KTN1: variants seen among roughly 807,000 people sequenced by gnomAD.
The protein encoded by KTN1 is kinectin 1.
Under a neutral mutation model 222.5 loss-of-function variants are expected in KTN1, and 130 were observed. The observed-to-expected ratio is 0.58, with a 90% CI of 0.51 to 0.68. The LOEUF is 0.68. KTN1 is among the 30% of genes least tolerant of loss of function. KTN1 has a pLI of 0.00. For synonymous variants in KTN1, 512 were observed against 496.3 expected (o/e 1.03, Z -0.42); for missense variants, 1,508 against 1,500.4 (o/e 1.01, Z -0.08).
chr14:55,633,406 T>C, intron 8 of KTN1, 65 bp downstream of exon 8: 2 of 926,738 alleles, frequency 2.2e-6, no homozygotes, highest in South Asian at 2.1e-5. Context: ...CATCAAAATA[T>C]TAATAGCGTT....
At chr14:55,597,483 G>A (rs987207104) in intron 1 of KTN1, among the ~76,000 whole-genome samples, 6 of 152,174 alleles carry the variant, frequency 3.9e-5, no homozygotes, top group Non-Finnish European at 5.9e-5. Context: ...TTTGCTGTTT[G>A]CGTAGATGTC....
chr14:55,639,516 A>G (rs2041542460), intron 13 of KTN1, among the ~76,000 whole-genome samples: 1 of 151,804 alleles, frequency 6.6e-6, no homozygotes, highest in Non-Finnish European at 1.5e-5. Flanking sequence ...TTTAGAAAGT[A>G]GTGGAAGTAA....
At chr14:55,608,492 CATTGA>C (rs1226368079) in intron 1 of KTN1, among the ~76,000 whole-genome samples, 1 of 152,076 alleles carries the variant, frequency 6.6e-6, no homozygotes. Context: ...TTTTTAGCAG[CATTGA>C]ATTGAATTTA....
chr14:55,656,418 C>G (rs2043480565), intron 29 of KTN1: 1 of 277,884 alleles, frequency 3.6e-6, no homozygotes, highest in Non-Finnish European at 6.6e-6. Context: ...AAGCACATTT[C>G]TGCCTTAACT....
chr14:55,636,083 G>T (rs1230488635), intron 9 of KTN1, among the ~76,000 whole-genome samples: 1 of 152,110 alleles, frequency 6.6e-6, no homozygotes, highest in African/African-American at 2.4e-5. Context: ...TAGCAATAAA[G>T]ACACCATCCT....
At chr14:55,660,475 A>G (rs1264726485) in intron 31 of KTN1, among the ~76,000 whole-genome samples, 2 of 149,540 alleles carry the variant, frequency 1.3e-5, no homozygotes, top group Non-Finnish European at 3.0e-5. Flanking sequence ...GTCATTTCAC[A>G]TAAGTTAGTG....
At chr14:55,619,401 C>A in intron 5 of KTN1, 89 bp downstream of exon 5, 2 of 1,197,772 alleles carry the variant, frequency 1.7e-6, no homozygotes, top group Non-Finnish European at 2.4e-6. Context: ...TTAATATCTA[C>A]TCCCATCCTT....
At chr14:55,640,218 G>A (rs1041394025) in intron 14 of KTN1, among the ~76,000 whole-genome samples, 156 bp from the exon 15 acceptor site, 2 of 151,818 alleles carry the variant, frequency 1.3e-5, no homozygotes, top group African/African-American at 4.8e-5. Flanking sequence ...AATTTGATAG[G>A]AATATGCTAA....
chr14:55,684,511 CT>C lies in KTN1; in HGVS notation c.*414del, dbSNP rs573808572. On this transcript the variant is annotated 3_prime_UTR_variant, in exon 44 of 44. Transcript: ENST00000395314. ...CCTCTGACTTCAACTCAAGAAAACA[CT>C]TTTTTGTTGCTAATGTAATCGGTTT... 1.3e-3 allele frequency: 268 copies of C among 212,124 alleles called. No individual in the cohort carries two copies. Among genetic ancestry groups the C allele is most frequent in the Middle Eastern group, 1.5e-3 (1 of 664 alleles). The allele number at this position is 212,124 out of a possible 1,614,324, so 13.1% of individuals were successfully genotyped here. A position where few individuals can be genotyped will look rare whatever the true frequency, so the allele number is the denominator to read the frequency against.
intron 2 of KTN1, among the ~76,000 whole-genome samples, chr14:55,614,740 G>A (rs554460526): frequency 1.3e-5 from 2 of 152,276 alleles, no homozygotes; most frequent in African/African-American, 4.8e-5. Flanking sequence ...TTGAATAGTT[G>A]TACCAGAGAC....
intron 1 of KTN1, among the ~76,000 whole-genome samples, chr14:55,583,975 T>C (rs1444670171): frequency 6.6e-6 from 1 of 152,228 alleles, no homozygotes; most frequent in East Asian, 1.9e-4. Flanking sequence ...CTGCTTCCAC[T>C]GCTCACCAGC....
At position 55,684,207 on chromosome 14, in the gene KTN1, C is replaced by A; in HGVS notation, c.*104C>A. 1.2e-6 allele frequency: 1 copy of A among 856,768 alleles called. No homozygotes were observed. Among genetic ancestry groups the A allele is most frequent in the Non-Finnish European group, 1.8e-6 (1 of 550,270 alleles). 53.1% of individuals were successfully genotyped at this position (856,768 alleles called of 1,614,324 possible). On this transcript the variant is annotated 3_prime_UTR_variant, in exon 44 of 44. Coordinates refer to ENST00000395314, the MANE Select transcript of KTN1 (RefSeq NM_001079521.2). The stretch of plus-strand genomic sequence containing the variant: ...TTCACCCTTTCTACTTTGTCAGAAA[C>A]ACTGAACAGAGTTTTGTCTTTTCTA...
intron 7 of KTN1, among the ~76,000 whole-genome samples, chr14:55,631,231 A>T (rs1452314651): frequency 1.3e-5 from 2 of 150,982 alleles, no homozygotes; most frequent in Admixed American, 6.6e-5. Flanking sequence ...TTTCTTGACC[A>T]GTGACTTTTT....
At chr14:55,594,862 G>C (rs777348461) in intron 1 of KTN1, among the ~76,000 whole-genome samples, 7 of 152,220 alleles carry the variant, frequency 4.6e-5, no homozygotes, top group Admixed American at 1.3e-4. Flanking sequence ...TTTGATAGTG[G>C]ATGGTAGTGT....
At chr14:55,676,410 ATTT>A (rs2045894424) in intron 41 of KTN1, among the ~76,000 whole-genome samples, 1 of 152,102 alleles carries the variant, frequency 6.6e-6, no homozygotes. Flanking sequence ...TTGACAGGTT[ATTT>A]GTAATTCTGT....
chr14:55,622,432 C>T (rs1035860511), intron 5 of KTN1, among the ~76,000 whole-genome samples: 6 of 152,106 alleles, frequency 3.9e-5, no homozygotes, highest in African/African-American at 9.7e-5. Context: ...CCCATGCAGC[C>T]AACATCTATA....
chr14:55,633,196 C>T (rs1566756764), intron 7 of KTN1, 39 bp from the exon 8 acceptor site: 2 of 1,174,368 alleles, frequency 1.7e-6, no homozygotes, highest in African/African-American at 1.6e-5. Flanking sequence ...CTTTGACAGT[C>T]TTTGTTTTCT....
intron 32 of KTN1, chr14:55,663,661 T>G (rs1566829218): frequency 1.1e-5 from 3 of 270,894 alleles, no homozygotes; most frequent in Non-Finnish European, 2.1e-5. Flanking sequence ...GTATGTATTC[T>G]TGGTTTGTGT....
At chr14:55,584,184 T>C (rs1408649000) in intron 1 of KTN1, among the ~76,000 whole-genome samples, 1 of 152,208 alleles carries the variant, frequency 6.6e-6, no homozygotes, top group African/African-American at 2.4e-5. Context: ...CCATGCAGAA[T>C]CTGGACACTT....
Sources: allele counts gnomAD v4.1 joint callset (sites outside exome capture counted in the v4.1 genomes callset), GRCh38; gene constraint gnomAD v4.1.1; transcripts MANE v1.5; gene names NCBI Gene and HGNC (gene_info 2026-07-23, HGNC 2026-07-21).